The following FMNL2 variants were observed in gnomAD, a reference collection of about 807,000 sequenced individuals.
The protein encoded by FMNL2 is formin-like protein 2.
FMNL2 carries 51 observed loss-of-function variants against 130.2 expected under a neutral mutation model. The observed-to-expected ratio is 0.39, with a 90% confidence interval of 0.31 to 0.49. The LOEUF is 0.49. FMNL2 is among the 20% of genes least tolerant of loss of function. FMNL2 has a pLI of 0.85. For synonymous variants in FMNL2, 465 were observed against 467.1 expected, an observed-to-expected ratio of 1.00 and a Z score of 0.06; for missense variants, 977 against 1,316.2, an observed-to-expected ratio of 0.74 and a Z score of 3.99.
intron 1 of FMNL2, among the ~76,000 whole-genome samples, chr2:152,423,432 A>C (rs751663588): frequency 6.6e-6 from 1 of 152,162 alleles, no homozygotes; most frequent in Non-Finnish European, 1.5e-5. Context: ...TATTCTAAGC[A>C]CTCTAAAGCA....
intron 9 of FMNL2, 63 bp downstream of exon 9, chr2:152,581,112 G>A (rs1696754248): frequency 4.9e-6 from 7 of 1,429,822 alleles, no homozygotes; most frequent in Admixed American, 3.6e-5. Flanking sequence ...ATCTTTGAAC[G>A]GAATTATTTA....
At chr2:152,571,658 TCAAACA>T in intron 6 of FMNL2, among the ~76,000 whole-genome samples, 1 of 152,336 alleles carries the variant, frequency 6.6e-6, no homozygotes, top group African/African-American at 2.4e-5. Flanking sequence ...GAAAGTTTAT[TCAAACA>T]GGTAAACTAG....
intron 1 of FMNL2, among the ~76,000 whole-genome samples, chr2:152,394,851 G>A (rs1363259174): frequency 1.3e-5 from 2 of 151,956 alleles, no homozygotes; most frequent in African/African-American, 4.8e-5. Flanking sequence ...GGTTGTTGGA[G>A]TGACCTAAAA....
intron 1 of FMNL2, among the ~76,000 whole-genome samples, chr2:152,456,435 C>G (rs960516746): frequency 6.6e-6 from 1 of 152,184 alleles, no homozygotes; most frequent in Non-Finnish European, 1.5e-5. Context: ...TTCCTGACCT[C>G]AAGCGGTCTT....
chr2:152,539,558 C>T (rs1423470827), intron 2 of FMNL2: 1 of 152,208 alleles, frequency 6.6e-6, no homozygotes, highest in Non-Finnish European at 1.5e-5. Flanking sequence ...CTTATTTTCT[C>T]TTTCTTAATA....
rs867597085 is a variant in FMNL2, at chr2:152,579,801, C to G, written c.782+837C>G. On this transcript the variant is annotated intron_variant, in intron 8 of 25. Coordinates refer to ENST00000288670, the MANE Select transcript of FMNL2 (RefSeq NM_052905.4). ...CTAGCAGCAGATATAATTCACATCA[C>G]ACGTTAGTCGTAAAAGCCAGTCTTC... 3.9e-5 allele frequency among the ~76,000 whole-genome samples: 6 copies of G among 152,356 alleles called. No homozygotes were observed. In the South Asian group the frequency reaches 1.2e-3, roughly 32 times the overall value.
At chr2:152,580,237 A>G (rs1043688687) in intron 8 of FMNL2, among the ~76,000 whole-genome samples, 76 of 152,232 alleles carry the variant, frequency 5.0e-4, no homozygotes, top group African/African-American at 1.8e-3. Context: ...GAAATACTTA[A>G]GTGGTCTTAT....
intron 6 of FMNL2, among the ~76,000 whole-genome samples, chr2:152,567,786 C>A (rs1695937938): frequency 6.6e-6 from 1 of 152,174 alleles, no homozygotes; most frequent in African/African-American, 2.4e-5. Context: ...CGAGGGAGTT[C>A]TATACTATTC....
At chr2:152,632,353 A>G (rs1682234006) in intron 21 of FMNL2, among the ~76,000 whole-genome samples, 1 of 152,180 alleles carries the variant, frequency 6.6e-6, no homozygotes, top group African/African-American at 2.4e-5. Flanking sequence ...CCTTTCTGTA[A>G]GACACAGGCC....
intron 9 of FMNL2, among the ~76,000 whole-genome samples, chr2:152,600,833 T>C (rs1698011370): frequency 6.6e-6 from 1 of 152,030 alleles, no homozygotes; most frequent in Non-Finnish European, 1.5e-5. Context: ...GTGCAGGGTA[T>C]GGGATTTCAT....
chr2:152,390,103 A>G, intron 1 of FMNL2: 1 of 1,407,230 alleles, frequency 7.1e-7, no homozygotes, highest in Non-Finnish European at 1.0e-6. Context: ...GATGAGGAGG[A>G]CAAAGGAAAA....
intron 1 of FMNL2, among the ~76,000 whole-genome samples, chr2:152,478,257 T>A (rs1259133624): frequency 4.4e-4 from 64 of 143,916 alleles, no homozygotes; most frequent in African/African-American, 1.4e-3. Context: ...TATATTTTTT[T>A]TTTTTTTTTT....
chr2:152,542,664 G>C (rs1579922685), intron 2 of FMNL2, 75 bp from the exon 3 acceptor site: 5 of 1,473,450 alleles, frequency 3.4e-6, no homozygotes, highest in Non-Finnish European at 4.7e-6. Context: ...TCATATTTTG[G>C]TAACATAATC....
At chr2:152,597,395 A>G (rs1162549027) in intron 9 of FMNL2, among the ~76,000 whole-genome samples, 2 of 152,234 alleles carry the variant, frequency 1.3e-5, no homozygotes, top group Non-Finnish European at 2.9e-5. Context: ...CCATACTTCA[A>G]TATGCGGCAG....
At chr2:152,418,705 C>T (rs1270736009) in intron 1 of FMNL2, among the ~76,000 whole-genome samples, 1 of 152,162 alleles carries the variant, frequency 6.6e-6, no homozygotes, top group African/African-American at 2.4e-5. Context: ...ATCTATGCAT[C>T]TATTGATGGA....
chr2:152,491,307 CA>C (rs1691174445), intron 1 of FMNL2, among the ~76,000 whole-genome samples: 1 of 152,128 alleles, frequency 6.6e-6, no homozygotes, highest in East Asian at 1.9e-4. Flanking sequence ...TTTTCAGGGT[CA>C]GGGGGCCAGG....
At chr2:152,444,170 G>C (rs566214952) in intron 1 of FMNL2, among the ~76,000 whole-genome samples, 1 of 152,152 alleles carries the variant, frequency 6.6e-6, no homozygotes, top group Non-Finnish European at 1.5e-5. Context: ...GTAGAGGGTG[G>C]GGTAGCTGGG....
intron 1 of FMNL2, among the ~76,000 whole-genome samples, chr2:152,365,324 G>A (rs1383858157): frequency 6.6e-6 from 1 of 152,126 alleles, no homozygotes; most frequent in Non-Finnish European, 1.5e-5. Context: ...GTGGTATGGT[G>A]TGTTTTGAAA....
At chr2:152,607,230 A>T in intron 9 of FMNL2, 109 bp from the exon 10 acceptor site, 4 of 895,114 alleles carry the variant, frequency 4.5e-6, no homozygotes, top group Non-Finnish European at 7.1e-6. Context: ...TTTATGAGAG[A>T]GAAAAAGATA....
Sources: gnomAD v4.1 joint callset for allele counts (sites outside exome capture counted in the v4.1 genomes callset) on GRCh38, gnomAD v4.1.1 for gene constraint, MANE v1.5 for transcripts, NCBI Gene and HGNC (gene_info 2026-07-23, HGNC 2026-07-21) for gene names.